Variants in TSPAN18 observed in about 807,000 individuals in gnomAD.
TSPAN18 encodes tetraspanin-18.
In TSPAN18, 14 loss-of-function variants were observed where a neutral mutation model predicts 27.3. That is an observed-to-expected ratio of 0.51 (90% CI 0.34 to 0.80). The LOEUF is 0.80. Ranked by LOEUF, TSPAN18 falls within the 30% of genes least tolerant of loss-of-function variation. The pLI, the probability that TSPAN18 is intolerant of heterozygous loss-of-function variation, is 0.01. For missense variants in TSPAN18, 268 were observed against 323.9 expected (o/e 0.83, Z 1.32); for synonymous variants, 143 against 136.5 (o/e 1.05, Z -0.33).
rs561332767 is a variant in TSPAN18 at position 44,761,330 on chromosome 11, T to G, written c.-239-3096T>G. ...CTCTTAGCCCTAAACCTTGGGATTC[T>G]TTTCTCCATCTCCCAGGACAGCTCT... On this transcript the variant is annotated intron_variant, in intron 1 of 9. Coordinates refer to ENST00000520358, the MANE Select transcript of TSPAN18 (RefSeq NM_130783.5). Among the ~76,000 whole-genome samples the G allele has an allele frequency of 4.6e-5, 7 of 152,260 alleles. No individual in the cohort carries two copies. In the South Asian group the frequency reaches 1.5e-3, roughly 32 times the overall value.
chr11:44,839,384 GTGTC>G (rs1442811763), intron 2 of TSPAN18, among the ~76,000 whole-genome samples: 1 of 152,168 alleles, frequency 6.6e-6, no homozygotes, highest in African/African-American at 2.4e-5. Context: ...AAATGAGCAT[GTGTC>G]TGTCTGTTTT....
chr11:44,878,890 C>T (rs960224702), intron 3 of TSPAN18, among the ~76,000 whole-genome samples: 3 of 122,888 alleles, frequency 2.4e-5, no homozygotes, highest in Admixed American at 2.4e-4. Context: ...GGGAGAGCTT[C>T]CCCATTGTGT....
In TSPAN18 at chr11:44,870,885, TCTA is replaced by T. The variant is rs1363573087; in HGVS notation, c.-11+10419_-11+10421del. On this transcript the variant is annotated intron_variant, in intron 3 of 9. Transcript: ENST00000520358. Reference sequence around the variant, plus strand: ...TTCACTCTGTCTTATGTTAATGACTTCTACTCATCGTTTCTAGTTTTGCTGACT... The same window carrying T: ...TTCACTCTGTCTTATGTTAATGACTTCTCATCGTTTCTAGTTTTGCTGACT... Among the ~76,000 whole-genome samples, 115 of 152,344 alleles carry T rather than the reference TCTA, an allele frequency of 7.5e-4. 2 individuals carry two copies. Among genetic ancestry groups the T allele is most frequent in the African/African-American group, 2.7e-3 (111 of 41,578 alleles).
rs1854533228 is a variant in TSPAN18, at chr11:44,727,113, GGCCCCGA to G, written c.-404_-398del. ...CGGCCCCGGCCCCGGCCCCGGTCCCGGCCCCGAGCCCCGAGCGAGCGCCGCCGCCTCG... is the reference window on the plus strand; with the variant it reads ...CGGCCCCGGCCCCGGCCCCGGTCCCGGCCCCGAGCGAGCGCCGCCGCCTCG... On this transcript the variant is annotated 5_prime_UTR_variant, in exon 1 of 10. Coordinates refer to ENST00000520358, the MANE Select transcript of TSPAN18 (RefSeq NM_130783.5). 1 of 133,968 alleles carries G rather than the reference GGCCCCGA, an allele frequency of 7.5e-6. No homozygotes were observed. Among genetic ancestry groups the G allele is most frequent in the South Asian group, 2.0e-4 (1 of 4,952 alleles). The allele number at this position is 133,968 out of a possible 1,614,324, so 8.3% of individuals were successfully genotyped here. A position where few individuals can be genotyped will look rare whatever the true frequency, so the allele number is the denominator to read the frequency against.
At position 44,799,044 on chromosome 11, in the gene TSPAN18, C is replaced by T. The variant is rs960830566; in HGVS notation, c.-153+34532C>T. Among the ~76,000 whole-genome samples, 7 of 149,576 alleles carry T rather than the reference C, an allele frequency of 4.7e-5. No individual in the cohort carries two copies. In the South Asian group the frequency reaches 6.5e-4, roughly 14 times the overall value. ...CACCCCACCCCCTCCCAGGCAGTGC[C>T]GCCCCCTCCTCACCCTTGCCCTCCC... On this transcript the variant is annotated intron_variant, in intron 2 of 9. Coordinates refer to ENST00000520358, the MANE Select transcript of TSPAN18 (RefSeq NM_130783.5).
chr11:44,807,941 C>T (rs1249720118), intron 2 of TSPAN18, among the ~76,000 whole-genome samples: 1 of 152,118 alleles, frequency 6.6e-6, no homozygotes. Context: ...AGTAGAGGAC[C>T]GTGTAGGGGT....
intron 3 of TSPAN18, chr11:44,903,895 A>G (rs759548012): frequency 9.6e-5 from 44 of 456,710 alleles, no homozygotes; most frequent in Middle Eastern, 3.3e-4. Flanking sequence ...CCACCTCTGG[A>G]AAATAAGGAT....
chr11:44,892,027 C>G (rs1288952386), intron 3 of TSPAN18, among the ~76,000 whole-genome samples: 1 of 152,192 alleles, frequency 6.6e-6, no homozygotes, highest in Non-Finnish European at 1.5e-5. Context: ...AGGGAAGCAG[C>G]CAGGCCACCT....
Position 44,848,402 on chromosome 11 carries a change from C to T in TSPAN18, c.-152-11926C>T, listed in dbSNP as rs141287310. ...GAGCTGCCTTCCCCCAAGGAGTGCG[C>T]CCTTAGCGACCACTGATGCTGCATT... On this transcript the variant is annotated intron_variant, in intron 2 of 9. Transcript: ENST00000520358. 1.8e-3 allele frequency among the ~76,000 whole-genome samples: 271 copies of T among 152,314 alleles called. 2 individuals carry two copies. Among genetic ancestry groups the T allele is most frequent in the African/African-American group, 6.4e-3 (266 of 41,574 alleles).
At chr11:44,764,688 CT>C (rs905621997) in intron 2 of TSPAN18, among the ~76,000 whole-genome samples, 176 bp downstream of exon 2, 63 of 152,312 alleles carry the variant, frequency 4.1e-4, no homozygotes, top group African/African-American at 1.5e-3. Context: ...GTCCTCACCC[CT>C]AGACATTTAC....
At chr11:44,785,996 G>C (rs1425796384) in intron 2 of TSPAN18, among the ~76,000 whole-genome samples, 1 of 152,258 alleles carries the variant, frequency 6.6e-6, no homozygotes, top group Non-Finnish European at 1.5e-5. Context: ...CCTGGGCCAT[G>C]TTGAGGGTTA....
At chr11:44,798,442 C>CAG (rs1446633281) in intron 2 of TSPAN18, among the ~76,000 whole-genome samples, 4 of 152,172 alleles carry the variant, frequency 2.6e-5, no homozygotes, top group Non-Finnish European at 5.9e-5. Context: ...GTAGCAGAGC[C>CAG]AGATGTAGTC....
intron 8 of TSPAN18, among the ~76,000 whole-genome samples, chr11:44,921,905 A>C (rs34520093): frequency 0.3 from 45,951 of 152,086 alleles, 8,170 homozygotes; most frequent in East Asian, 0.58. Flanking sequence ...ATGTCTTCAA[A>C]ATCAGAGCTC....
At position 44,732,425 on chromosome 11, in the gene TSPAN18, C is replaced by G. The variant is rs1477316190; in HGVS notation, c.-240+5138C>G. Among the ~76,000 whole-genome samples the G allele has an allele frequency of 2.0e-5, 3 of 152,186 alleles. No individual in the cohort carries two copies. The East Asian group carries it at 5.8e-4, about 29-fold the overall frequency. On this transcript the variant is annotated intron_variant, in intron 1 of 9. Transcript: ENST00000520358. ...AGTGGTGGGATTGAGATTTGATCCTCGGTTGATCTGATTCTCTTATCCTGT... is the reference window on the plus strand; with the variant it reads ...AGTGGTGGGATTGAGATTTGATCCTGGGTTGATCTGATTCTCTTATCCTGT...
intron 3 of TSPAN18, among the ~76,000 whole-genome samples, chr11:44,866,250 C>T (rs1183535963): frequency 6.6e-6 from 1 of 152,186 alleles, no homozygotes; most frequent in Non-Finnish European, 1.5e-5. Context: ...CGAGGTGTGC[C>T]GTCTGCCTTT....
intron 2 of TSPAN18, among the ~76,000 whole-genome samples, chr11:44,778,873 C>A (rs1855873207): frequency 6.6e-6 from 1 of 152,262 alleles, no homozygotes; most frequent in South Asian, 2.1e-4. Flanking sequence ...ATAGATGGCA[C>A]CCAGTGCAGC....
chr11:44,919,593 G>C, intron 7 of TSPAN18: 1 of 612,514 alleles, frequency 1.6e-6, no homozygotes, highest in Admixed American at 2.9e-5. Context: ...CTAAGCGCCT[G>C]GTGAGGTAGG....
intron 1 of TSPAN18, among the ~76,000 whole-genome samples, chr11:44,754,024 C>A: frequency 6.6e-6 from 1 of 152,126 alleles, no homozygotes; most frequent in East Asian, 1.9e-4. Context: ...TTCTTGGCCT[C>A]CTAAAGCTTA....
intron 2 of TSPAN18, among the ~76,000 whole-genome samples, chr11:44,781,241 G>A (rs1018875342): frequency 2.6e-5 from 4 of 152,234 alleles, no homozygotes; most frequent in Admixed American, 6.5e-5. Context: ...AGCATGGTGG[G>A]TGGCTGCCTG....
Sources: allele counts gnomAD v4.1 joint callset (sites outside exome capture counted in the v4.1 genomes callset), GRCh38; gene constraint gnomAD v4.1.1; transcripts MANE v1.5; gene names NCBI Gene and HGNC (gene_info 2026-07-23, HGNC 2026-07-21).